VAX1: variants seen among roughly 807,000 people sequenced by gnomAD.
VAX1 encodes the protein ventral anterior homeobox 1.
In VAX1, 6 loss-of-function variants were observed where a neutral mutation model predicts 17.6. The ratio of observed to expected loss-of-function variants is 0.34; its 90% CI spans 0.19 to 0.67. The LOEUF is 0.67. VAX1 is among the 30% of genes least tolerant of loss of function. VAX1 has a pLI of 0.69. For missense variants in VAX1, 408 were observed against 463.7 expected (o/e 0.88, Z 1.10); for synonymous variants, 256 against 227.4 (o/e 1.13, Z -1.13).
rs1854218738 is a variant in VAX1, at chr10:117,138,047, T to G, written c.10A>C (p.Lys4Gln). The change falls in exon 1 of 3, where the codon AAA (lysine) becomes CAA (glutamine). Residue 4 changes from lysine to glutamine, a missense_variant. Coordinates refer to ENST00000369206, the MANE Select transcript of VAX1 (RefSeq NM_001112704.2). ...CATCGAACGTCCATTTTGTCTGGTT[T>G]CCCGAACATAGGCAAGAACAACAAC... Reference protein sequence around the residue: MFGKPDKMDVRCHS... With the variant: MFGQPDKMDVRCHS... 7.3e-7 allele frequency: 1 copy of G among 1,375,138 alleles called. No individual in the cohort carries two copies. The highest frequency in any genetic ancestry group is 9.6e-7 in the Non-Finnish European group (1 of 1,038,576). 85.2% of individuals were successfully genotyped at this position (1,375,138 alleles called of 1,614,324 possible). A position where few individuals can be genotyped will look rare whatever the true frequency, so the allele number is the denominator to read the frequency against.
In VAX1 at chr10:117,134,581, C is replaced by T. The variant is rs898084695; in HGVS notation, c.432G>A (p.Val144=). Residue 144 remains valine (V), a splice_region_variant and synonymous_variant, in exon 3 of 3, where the codon GTG becomes GTA. Transcript: ENST00000369206. This position sits in a 1 kb window ranked among gnomAD's most constrained non-coding sequence, Gnocchi z 6.2. ...TGCGCCGGTTCTGGAACCAGACCTT[C>T]ACCTGCGCGCCGGGGTGCGGGGAGA... ...ARQLNLSETQ[V]KVWFQNRRTK... 13 of 1,519,984 alleles carry T rather than the reference C, an allele frequency of 8.6e-6. No individual in the cohort carries two copies. In the African/African-American group the frequency reaches 1.7e-4, roughly 20 times the overall value. The allele number at this position is 1,519,984 out of a possible 1,614,324, so 94.2% of individuals were successfully genotyped here. A position where few individuals can be genotyped will look rare whatever the true frequency, so the allele number is the denominator to read the frequency against.
chr10:117,133,721 G>A lies in VAX1; in HGVS notation c.*287C>T. On this transcript the variant is annotated 3_prime_UTR_variant, in exon 3 of 3. Transcript: ENST00000369206. ...CCCTCCTGGGCTGGGCACGGGGTCA[G>A]GGCATCAGGTTGACTAACTCGGGCA... 5 of 1,160,150 alleles carry A rather than the reference G, an allele frequency of 4.3e-6. No individual in the cohort carries two copies. The highest frequency in any genetic ancestry group is 5.3e-6 in the Non-Finnish European group (5 of 943,462). 71.9% of individuals were successfully genotyped at this position (1,160,150 alleles called of 1,614,324 possible).
At chr10:117,132,185 C>T (rs1327303128), downstream of VAX1, 3 of 1,596,818 alleles carry the variant, frequency 1.9e-6, no homozygotes, top group East Asian at 4.5e-5. This position sits in a 1 kb window ranked among gnomAD's most constrained non-coding sequence, Gnocchi z 4.9. Context: ...CAGGCGCTCA[C>T]GGTACCAGTC....
chr10:117,136,775 G>A lies in VAX1; in HGVS notation c.242-116C>T. On this transcript the variant is annotated intron_variant, in intron 1 of 2. Transcript: ENST00000369206. The surrounding 1 kb of genome is among the most constrained non-coding windows in gnomAD (Gnocchi z 5.0). The stretch of plus-strand genomic sequence containing the variant: ...GCGTGCAGTTTTGGGGATGGGGGGC[G>A]GGGTGCGGAGCGCGACCACAACCAG... 3 of 1,295,388 alleles carry A rather than the reference G, an allele frequency of 2.3e-6. No homozygotes were observed. The highest frequency in any genetic ancestry group is 5.4e-5 in the Admixed American group (2 of 36,804). The allele number at this position is 1,295,388 out of a possible 1,614,324, so 80.2% of individuals were successfully genotyped here.
chr10:117,135,395 C>T (rs969966130), intron 2 of VAX1, among the ~76,000 whole-genome samples: 11 of 152,178 alleles, frequency 7.2e-5, no homozygotes, highest in East Asian at 5.8e-4. Flanking sequence ...CACTAACCTC[C>T]CCTCTCATTC....
downstream of VAX1, chr10:117,132,079 G>A (rs1564969611): frequency 1.1e-6 from 1 of 918,394 alleles, no homozygotes; most frequent in Admixed American, 2.9e-5. This position sits in a 1 kb window ranked among gnomAD's most constrained non-coding sequence, Gnocchi z 4.9. Flanking sequence ...GACAGATAGA[G>A]AAATCGAGAG....
chr10:117,133,523 C>T lies in VAX1; in HGVS notation c.*485G>A. On this transcript the variant is annotated 3_prime_UTR_variant, in exon 3 of 3. Coordinates refer to ENST00000369206, the MANE Select transcript of VAX1 (RefSeq NM_001112704.2). ...CTCCCACAAGCCCTGGTTTCCCTGGCAAGAGGAAGGAACGTCCTCCTTTTT... is the reference window on the plus strand; with the variant it reads ...CTCCCACAAGCCCTGGTTTCCCTGGTAAGAGGAAGGAACGTCCTCCTTTTT... 1.0e-6 allele frequency: 1 copy of T among 985,676 alleles called. No homozygotes were observed. Among genetic ancestry groups the T allele is most frequent in the Non-Finnish European group, 1.2e-6 (1 of 830,132 alleles). The allele number at this position is 985,676 out of a possible 1,614,324, so 61.1% of individuals were successfully genotyped here.
chr10:117,136,781 C>T lies in VAX1; in HGVS notation c.242-122G>A. 1 of 1,206,496 alleles carries T rather than the reference C, an allele frequency of 8.3e-7. No individual in the cohort carries two copies. Among genetic ancestry groups the T allele is most frequent in the Non-Finnish European group, 1.1e-6 (1 of 877,382 alleles). 74.7% of individuals were successfully genotyped at this position (1,206,496 alleles called of 1,614,324 possible). A position where few individuals can be genotyped will look rare whatever the true frequency, so the allele number is the denominator to read the frequency against. Reference sequence around the variant, plus strand: ...AGTTTTGGGGATGGGGGGCGGGGTGCGGAGCGCGACCACAACCAGGTAGCA... The same window carrying T: ...AGTTTTGGGGATGGGGGGCGGGGTGTGGAGCGCGACCACAACCAGGTAGCA... On this transcript the variant is annotated intron_variant, in intron 1 of 2. Coordinates refer to ENST00000369206, the MANE Select transcript of VAX1 (RefSeq NM_001112704.2). This position sits in a 1 kb window ranked among gnomAD's most constrained non-coding sequence, Gnocchi z 5.0.
chr10:117,133,263 G>A (rs1247951262), downstream of VAX1: 1 of 984,224 alleles, frequency 1.0e-6, no homozygotes, highest in Non-Finnish European at 1.2e-6. Flanking sequence ...ATCATTGGAA[G>A]TATTTAAAAA....
At chr10:117,135,726 G>T (rs1452704931) in intron 2 of VAX1, among the ~76,000 whole-genome samples, 1 of 152,210 alleles carries the variant, frequency 6.6e-6, no homozygotes, top group Admixed American at 6.5e-5. Flanking sequence ...CCTCTCCTGG[G>T]CCCAGAGCCC....
At chr10:117,129,827 C>T (rs1418287416), downstream of VAX1, 2 of 150,924 alleles carry the variant, frequency 1.3e-5, no homozygotes, top group Non-Finnish European at 1.5e-5. Context: ...TCTAGAGAGA[C>T]GTAGAGGGAA....
chr10:117,132,754 G>A (rs1854106576), downstream of VAX1, among the ~76,000 whole-genome samples: 1 of 152,058 alleles, frequency 6.6e-6, no homozygotes, highest in African/African-American at 2.4e-5. This position sits in a 1 kb window ranked among gnomAD's most constrained non-coding sequence, Gnocchi z 4.9. Context: ...GGGAGGCGAG[G>A]GGAGTGTCTT....
chr10:117,138,095 G>C lies in VAX1; in HGVS notation c.-39C>G. On this transcript the variant is annotated 5_prime_UTR_variant, in exon 1 of 3. Coordinates refer to ENST00000369206, the MANE Select transcript of VAX1 (RefSeq NM_001112704.2). ...AACAAAAACAGAAAGGAAAAAAAAA[G>C]CAAAAAAAAAAAAAAGGGGGGGGGG... The C allele has an allele frequency of 6.3e-5, 5 of 79,936 alleles. No individual in the cohort carries two copies. The highest frequency in any genetic ancestry group is 9.5e-5 in the Non-Finnish European group (5 of 52,452). The allele number at this position is 79,936 out of a possible 1,614,324, so 5.0% of individuals were successfully genotyped here.
rs553433207 is a variant in VAX1 at position 117,135,094 on chromosome 10, TGGCCC to T, written c.430-516_430-512del. Among the ~76,000 whole-genome samples, 251 of 152,302 alleles carry T rather than the reference TGGCCC, an allele frequency of 1.6e-3. 2 individuals are homozygous for T. Among genetic ancestry groups the T allele is most frequent in the African/African-American group, 5.8e-3 (242 of 41,572 alleles). On this transcript the variant is annotated intron_variant, in intron 2 of 2. Transcript: ENST00000369206. ...CCCAGCCTTTCTGGACCCAGGCCCC[TGGCCC>T]AATGCGCTCGGATTTAGTCCTAGAA...
chr10:117,133,867 G>T lies in VAX1; in HGVS notation c.*141C>A. The T allele has an allele frequency of 7.3e-7, 1 of 1,373,680 alleles. No homozygotes were observed. The allele number at this position is 1,373,680 out of a possible 1,614,324, so 85.1% of individuals were successfully genotyped here. ...CGAATGAGATGAAATTGGTAGCAGA[G>T]TCTAGTGGGAAAGGAGAGCTGTCAG... On this transcript the variant is annotated 3_prime_UTR_variant, in exon 3 of 3. Coordinates refer to ENST00000369206, the MANE Select transcript of VAX1 (RefSeq NM_001112704.2).
rs1302639713 is a variant in VAX1, at chr10:117,134,221, G to A, written c.792C>T (p.Gly264=). The A allele has an allele frequency of 6.4e-5, 93 of 1,454,396 alleles. No individual in the cohort carries two copies. Among genetic ancestry groups the A allele is most frequent in the Non-Finnish European group, 7.6e-5 (85 of 1,111,564 alleles). 90.1% of individuals were successfully genotyped at this position (1,454,396 alleles called of 1,614,324 possible). A position where few individuals can be genotyped will look rare whatever the true frequency, so the allele number is the denominator to read the frequency against. Residue 264 remains glycine, a synonymous_variant, in exon 3 of 3, where the codon GGC becomes GGT. Transcript: ENST00000369206. The surrounding 1 kb of genome is among the most constrained non-coding windows in gnomAD (Gnocchi z 6.2). ...AGAGGCTGTGGCCCGCGGCCGGGGCGCCTGCGTGCAATCCCCCCGGCCCGG... is the reference window on the plus strand; with the variant it reads ...AGAGGCTGTGGCCCGCGGCCGGGGCACCTGCGTGCAATCCCCCCGGCCCGG... ...GPAGPGGLHA[G]APAAGHSLFS...
At position 117,134,472 on chromosome 10, in the gene VAX1, G is replaced by T. The variant is rs377184623; in HGVS notation, c.541C>A (p.Leu181Met). ...ETAATCSVLR[L>M]LEQGRLLSPP... is the part of the protein sequence containing the mutation. ...GACAACAGGCGGCCCTGCTCCAGCAGCCGTAGCACGCTGCACGTGGCCGCG... is the reference window on the plus strand; with the variant it reads ...GACAACAGGCGGCCCTGCTCCAGCATCCGTAGCACGCTGCACGTGGCCGCG... Residue 181 changes from leucine (L) to methionine (M), a missense_variant, in exon 3 of 3, where the codon CTG becomes ATG. By Grantham distance (15) the Leu-to-Met change is conservative (BLOSUM62 2). Coordinates refer to ENST00000369206, the MANE Select transcript of VAX1 (RefSeq NM_001112704.2). This position sits in a 1 kb window ranked among gnomAD's most constrained non-coding sequence, Gnocchi z 6.2. The T allele has an allele frequency of 1.6e-4, 249 of 1,522,046 alleles. No individual in the cohort carries two copies. The highest frequency in any genetic ancestry group is 2.1e-4 in the Non-Finnish European group (243 of 1,140,502). 94.3% of individuals were successfully genotyped at this position (1,522,046 alleles called of 1,614,324 possible).
Position 117,137,647 on chromosome 10 carries a change from A to G in VAX1, c.241+169T>C, listed in dbSNP as rs1854205710. On this transcript the variant is annotated intron_variant, in intron 1 of 2. Coordinates refer to ENST00000369206, the MANE Select transcript of VAX1 (RefSeq NM_001112704.2). The surrounding 1 kb of genome is among the most constrained non-coding windows in gnomAD (Gnocchi z 7.4). ...CCGAGGCCCCTGGAGAGCGCACCGG[A>G]GAGTCCCAGGCGCTTGTCCCCAGCC... Among the ~76,000 whole-genome samples the G allele has an allele frequency of 6.6e-6, 1 of 152,110 alleles. No homozygotes were observed. Among genetic ancestry groups the G allele is most frequent in the Non-Finnish European group, 1.5e-5 (1 of 68,010 alleles).
chr10:117,132,444 G>A, downstream of VAX1: 1 of 1,610,860 alleles, frequency 6.2e-7, no homozygotes, highest in Non-Finnish European at 8.5e-7. This position sits in a 1 kb window ranked among gnomAD's most constrained non-coding sequence, Gnocchi z 4.9. Context: ...ACCTACCCGC[G>A]TTTGAATCGT....
Sources: gnomAD v4.1 joint callset for allele counts (sites outside exome capture counted in the v4.1 genomes callset) on GRCh38, gnomAD v4.1.1 for gene constraint, Gnocchi (gnomAD v3.1) non-coding constraint, MANE v1.5 for transcripts, NCBI Gene and HGNC (gene_info 2026-07-23, HGNC 2026-07-21) for gene names.